DGKB: variants seen among roughly 807,000 people sequenced by gnomAD.
The protein encoded by DGKB is diacylglycerol kinase beta.
DGKB carries 67 observed loss-of-function variants against 114.3 expected under a neutral mutation model. The observed-to-expected ratio is 0.59, with a 90% confidence interval of 0.48 to 0.72. DGKB has a LOEUF of 0.72. DGKB is among the 30% of genes least tolerant of loss of function. The probability of loss-of-function intolerance (pLI) is 0.00; values close to 1 mark genes in which losing one functional copy is unlikely to be tolerated. For synonymous variants in DGKB, 398 were observed against 323.1 expected (o/e 1.23, Z -2.49); for missense variants, 907 against 975.2 (o/e 0.93, Z 0.93).
intron 21 of DGKB, among the ~76,000 whole-genome samples, chr7:14,390,618 T>C (rs1821164503): frequency 6.6e-6 from 1 of 152,186 alleles, no homozygotes; most frequent in African/African-American, 2.4e-5. Context: ...CAAAAATGAA[T>C]TATGATTACT....
chr7:14,967,365 G>T (rs1034106295), intron 1 of DGKB, among the ~76,000 whole-genome samples: 15 of 151,220 alleles, frequency 9.9e-5, no homozygotes, highest in African/African-American at 3.6e-4. Context: ...CTGTTGCCCA[G>T]GCTGGAGCAC....
At position 14,279,243 on chromosome 7, in the gene DGKB, T is replaced by A. The variant is rs948813614; in HGVS notation, c.2122+59272A>T. 3.3e-5 allele frequency among the ~76,000 whole-genome samples: 5 copies of A among 151,388 alleles called. No individual in the cohort carries two copies. In the South Asian group the frequency reaches 8.4e-4, roughly 25 times the overall value. ...CTCGGAGGGTCCTACCCCCACGGAG[T>A]CTCGCTGATTGCTAGCACAGCAGTC... On this transcript the variant is annotated intron_variant, in intron 23 of 25. Coordinates refer to ENST00000402815, the MANE Select transcript of DGKB (RefSeq NM_001350709.2).
intron 23 of DGKB, among the ~76,000 whole-genome samples, chr7:14,259,314 T>A (rs1323265989): frequency 1.8e-5 from 2 of 108,860 alleles, no homozygotes; most frequent in Non-Finnish European, 3.4e-5. Context: ...CAAGGTCTAT[T>A]AAGTTAACCT....
intron 1 of DGKB, among the ~76,000 whole-genome samples, chr7:14,846,763 C>T (rs1261115361): frequency 6.6e-6 from 1 of 152,154 alleles, no homozygotes; most frequent in Non-Finnish European, 1.5e-5. Flanking sequence ...GAAATAACTA[C>T]GTTGGAAGAG....
At chr7:14,383,345 T>C (rs1416028695) in intron 21 of DGKB, among the ~76,000 whole-genome samples, 1 of 152,206 alleles carries the variant, frequency 6.6e-6, no homozygotes, top group South Asian at 2.1e-4. Flanking sequence ...TTTCATCAAA[T>C]GATATTTAGA....
At chr7:14,774,299 T>A (rs1396992939) in intron 2 of DGKB, among the ~76,000 whole-genome samples, 1 of 152,214 alleles carries the variant, frequency 6.6e-6, no homozygotes, top group East Asian at 1.9e-4. Flanking sequence ...AAACTTTGAT[T>A]GTTACCTTGC....
chr7:14,531,663 AT>A (rs59216197), intron 20 of DGKB, among the ~76,000 whole-genome samples: 73,832 of 149,906 alleles, frequency 0.49, 18,805 homozygotes, highest in East Asian at 0.82. Flanking sequence ...ATGACAGCAG[AT>A]TTTTTTTTTG....
At chr7:14,623,850 T>A (rs1808089718) in intron 14 of DGKB, among the ~76,000 whole-genome samples, 1 of 152,128 alleles carries the variant, frequency 6.6e-6, no homozygotes, top group African/African-American at 2.4e-5. Flanking sequence ...TTAGATGAGG[T>A]CTCGAATCAG....
At chr7:14,648,122 T>A (rs922069729) in intron 13 of DGKB, among the ~76,000 whole-genome samples, 1 of 152,202 alleles carries the variant, frequency 6.6e-6, no homozygotes, top group Non-Finnish European at 1.5e-5. Flanking sequence ...GCCAGGAAGC[T>A]GGAACTGGGT....
chr7:14,842,912 T>C lies in DGKB; in HGVS notation c.-187-1462A>G, dbSNP rs145613724. On this transcript the variant is annotated intron_variant, in intron 1 of 25. Transcript: ENST00000402815. ...ACTTCCAGAAGCTTGTGATATTCTT[T>C]TAATAAAGGATTAAGGCCAGGCAGG... Among the ~76,000 whole-genome samples, 317 of 152,296 alleles carry C rather than the reference T, an allele frequency of 2.1e-3. 2 individuals are homozygous for C. Among genetic ancestry groups the C allele is most frequent in the African/African-American group, 7.3e-3 (304 of 41,558 alleles).
At chr7:14,504,212 T>A (rs1786653850) in intron 20 of DGKB, among the ~76,000 whole-genome samples, 1 of 152,190 alleles carries the variant, frequency 6.6e-6, no homozygotes, top group South Asian at 2.1e-4. Flanking sequence ...TTCTATTTTA[T>A]ACTCCAAACT....
chr7:14,734,048 G>T (rs1430227080), intron 5 of DGKB, among the ~76,000 whole-genome samples: 12 of 130,266 alleles, frequency 9.2e-5, no homozygotes, highest in East Asian at 7.9e-4. Context: ...TGTGTGTGTG[G>T]TGTGTGAAAT....
intron 21 of DGKB, among the ~76,000 whole-genome samples, chr7:14,402,177 T>G (rs913652772): frequency 6.6e-6 from 1 of 151,854 alleles, no homozygotes; most frequent in African/African-American, 2.4e-5. Flanking sequence ...CACTCAATCC[T>G]TATTTTTTAA....
At chr7:14,547,745 G>A (rs1334032720) in intron 20 of DGKB, among the ~76,000 whole-genome samples, 1 of 152,016 alleles carries the variant, frequency 6.6e-6, no homozygotes. Context: ...AAAAACACAT[G>A]ACAGCTAAAA....
chr7:14,526,870 T>C (rs1396591701), intron 20 of DGKB, among the ~76,000 whole-genome samples: 3 of 152,114 alleles, frequency 2.0e-5, no homozygotes, highest in African/African-American at 2.4e-5. Context: ...AGTTCACCTA[T>C]TTCGGCCACC....
intron 22 of DGKB, 91 bp from the exon 23 acceptor site, chr7:14,338,801 G>T: frequency 1.2e-6 from 1 of 801,400 alleles, no homozygotes. Context: ...TTTAATAAGT[G>T]CGTTGAAATC....
chr7:14,909,072 C>T (rs1424703454), intron 1 of DGKB, among the ~76,000 whole-genome samples: 1 of 152,136 alleles, frequency 6.6e-6, no homozygotes, highest in South Asian at 2.1e-4. Flanking sequence ...TAGAAAGGCT[C>T]ATTCTAAGCC....
intron 9 of DGKB, among the ~76,000 whole-genome samples, chr7:14,687,596 C>T (rs1461958651): frequency 1.3e-5 from 2 of 151,812 alleles, no homozygotes; most frequent in African/African-American, 4.8e-5. Context: ...TTTAAACATC[C>T]TTATGTGGAA....
At chr7:14,909,716 G>A (rs922394600) in intron 1 of DGKB, among the ~76,000 whole-genome samples, 1 of 152,074 alleles carries the variant, frequency 6.6e-6, no homozygotes, top group African/African-American at 2.4e-5. Context: ...GGGATGACCC[G>A]AATTCAGAAA....
Sources: gnomAD v4.1 joint callset for allele counts (sites outside exome capture counted in the v4.1 genomes callset) on GRCh38, gnomAD v4.1.1 for gene constraint, MANE v1.5 for transcripts, NCBI Gene and HGNC (gene_info 2026-07-23, HGNC 2026-07-21) for gene names.